Variants in PPP4R2 observed in about 807,000 individuals in gnomAD.
PPP4R2 encodes protein phosphatase 4 regulatory subunit 2, also known as serine/threonine-protein phosphatase 4 regulatory subunit 2.
PPP4R2 carries 13 observed loss-of-function variants against 47.2 expected under a neutral mutation model. That is an observed-to-expected ratio of 0.28 (90% CI 0.18 to 0.44). PPP4R2 has a LOEUF of 0.44. PPP4R2 is among the 20% of genes least tolerant of loss of function. The probability of loss-of-function intolerance (pLI) is 1.00; values close to 1 mark genes in which losing one functional copy is unlikely to be tolerated. For missense variants in PPP4R2, 421 were observed against 491.2 expected (o/e 0.86, Z 1.35); for synonymous variants, 151 against 163.3 (o/e 0.92, Z 0.57).
At chr3:73,054,319 AATGTGT>A (rs1305491997) in intron 3 of PPP4R2, among the ~76,000 whole-genome samples, 1 of 152,206 alleles carries the variant, frequency 6.6e-6, no homozygotes, top group Non-Finnish European at 1.5e-5. Context: ...AATATTTATG[AATGTGT>A]ATGTTTATGT....
chr3:72,998,046 T>C (rs748878671), intron 1 of PPP4R2, 31 bp from the exon 2 acceptor site: 1 of 1,511,624 alleles, frequency 6.6e-7, no homozygotes, highest in Admixed American at 1.7e-5. Flanking sequence ...TTGAGAAAAC[T>C]GATAACGTTT....
intron 3 of PPP4R2, among the ~76,000 whole-genome samples, chr3:73,051,969 C>T (rs892730351): frequency 3.9e-5 from 6 of 152,102 alleles, no homozygotes; most frequent in Admixed American, 1.3e-4. Context: ...TGTCCATGCA[C>T]TTGTTTACTT....
In PPP4R2 at chr3:73,063,776, G is replaced by C. The variant is rs756345998; in HGVS notation, c.494+29G>C. ...AGATTCTAGATTTTTAATACCTACAGAGTTTGCATTGTCCTGATTTTGAGT... is the reference window on the plus strand; with the variant it reads ...AGATTCTAGATTTTTAATACCTACACAGTTTGCATTGTCCTGATTTTGAGT... On this transcript the variant is annotated intron_variant, in intron 6 of 8. Transcript: ENST00000356692. 5.6e-6 allele frequency: 8 copies of C among 1,427,034 alleles called. No homozygotes were observed. The African/African-American group carries it at 9.9e-5, about 18-fold the overall frequency. The allele number at this position is 1,427,034 out of a possible 1,614,324, so 88.4% of individuals were successfully genotyped here.
chr3:73,001,674 C>T (rs1701463402), intron 2 of PPP4R2, among the ~76,000 whole-genome samples: 1 of 151,934 alleles, frequency 6.6e-6, no homozygotes, highest in Admixed American at 6.6e-5. Context: ...GGAGTCTCGC[C>T]CTATGCCACA....
In PPP4R2 at chr3:73,065,917, C is replaced by T. The variant is rs1445050889; in HGVS notation, c.*195C>T. ...ATCAGCTCCTCTGGGTCCTGCTTAC[C>T]TTACCGCTGACTTTTCTTTCTTTCT... On this transcript the variant is annotated 3_prime_UTR_variant, in exon 9 of 9. Transcript: ENST00000356692. The T allele has an allele frequency of 5.4e-6, 2 of 371,792 alleles. No homozygotes were observed. Among genetic ancestry groups the T allele is most frequent in the Non-Finnish European group, 9.6e-6 (2 of 209,332 alleles). The allele number at this position is 371,792 out of a possible 1,614,324, so 23.0% of individuals were successfully genotyped here. A position where few individuals can be genotyped will look rare whatever the true frequency, so the allele number is the denominator to read the frequency against.
intron 4 of PPP4R2, among the ~76,000 whole-genome samples, chr3:73,059,450 A>G (rs1317909135): frequency 5.3e-5 from 8 of 152,218 alleles, no homozygotes; most frequent in Admixed American, 5.2e-4. Context: ...AGAGTGTTTT[A>G]TAAACTTACA....
chr3:73,062,876 A>G (rs911196383), intron 5 of PPP4R2: 15 of 1,613,152 alleles, frequency 9.3e-6, no homozygotes, highest in South Asian at 2.2e-5. Context: ...AATCCCCTCT[A>G]CACAAGCTAC....
chr3:73,040,138 C>A (rs768397149), intron 2 of PPP4R2, among the ~76,000 whole-genome samples: 1 of 152,172 alleles, frequency 6.6e-6, no homozygotes. Flanking sequence ...ACACATAAAA[C>A]AAGTGTCTTG....
intron 2 of PPP4R2, among the ~76,000 whole-genome samples, chr3:73,012,265 G>T (rs1283241438): frequency 6.6e-6 from 1 of 152,128 alleles, no homozygotes; most frequent in African/African-American, 2.4e-5. Context: ...GACGAGAAAT[G>T]TCTCCACATT....
intron 2 of PPP4R2, among the ~76,000 whole-genome samples, chr3:73,024,010 A>C (rs1231641213): frequency 2.0e-5 from 3 of 152,230 alleles, no homozygotes; most frequent in Non-Finnish European, 4.4e-5. Context: ...TTCACTAAGC[A>C]TTTACCTTTT....
intron 2 of PPP4R2, among the ~76,000 whole-genome samples, chr3:73,005,387 C>G (rs953349364): frequency 6.8e-6 from 1 of 146,854 alleles, no homozygotes; most frequent in East Asian, 2.0e-4. Context: ...TGTAGTCTTT[C>G]AATATGAATT....
intron 2 of PPP4R2, among the ~76,000 whole-genome samples, chr3:73,019,481 C>T (rs1034458000): frequency 6.6e-6 from 1 of 152,278 alleles, no homozygotes. Flanking sequence ...TCAAGTGATT[C>T]TCCTGCCTCA....
intron 2 of PPP4R2, among the ~76,000 whole-genome samples, chr3:73,012,989 C>T (rs1178604385): frequency 6.7e-6 from 1 of 149,546 alleles, no homozygotes; most frequent in Non-Finnish European, 1.5e-5. Context: ...CATTGCAAGA[C>T]AAGTCGTGTT....
intron 5 of PPP4R2, chr3:73,062,255 C>A: frequency 6.2e-7 from 1 of 1,600,132 alleles, no homozygotes; most frequent in Non-Finnish European, 8.5e-7. Context: ...CACAGCCCAG[C>A]AGCCCAGGAG....
intron 2 of PPP4R2, among the ~76,000 whole-genome samples, chr3:73,021,816 A>AT (rs1437868043): frequency 6.6e-6 from 1 of 151,418 alleles, no homozygotes; most frequent in Non-Finnish European, 1.5e-5. Flanking sequence ...AATTTTAAAA[A>AT]TTACTTTAAC....
intron 2 of PPP4R2, among the ~76,000 whole-genome samples, chr3:73,018,153 A>T (rs980805034): frequency 6.6e-6 from 1 of 152,034 alleles, no homozygotes; most frequent in African/African-American, 2.4e-5. Context: ...TCTTTCTTAT[A>T]CTTTTAGCCA....
In PPP4R2 at chr3:73,026,981, TGCG is replaced by T. The variant is rs755056575; in HGVS notation, c.117-20203_117-20201del. 1.1e-4 allele frequency among the ~76,000 whole-genome samples: 16 copies of T among 152,322 alleles called. No individual in the cohort carries two copies. The South Asian group carries it at 1.2e-3, about 12-fold the overall frequency. On this transcript the variant is annotated intron_variant, in intron 2 of 8. Transcript: ENST00000356692. ...CGAAGTTGTCTTATTGATAATAAAATGCGGAGAGTAGTACCACCCAACTCATAC... is the reference window on the plus strand; with the variant it reads ...CGAAGTTGTCTTATTGATAATAAAATGAGAGTAGTACCACCCAACTCATAC...
chr3:73,021,846 ATATGTGTGTGTGTG>A (rs1156850807), intron 2 of PPP4R2, among the ~76,000 whole-genome samples: 4 of 120,832 alleles, frequency 3.3e-5, no homozygotes, highest in African/African-American at 7.8e-5. Context: ...TTACATTTCT[ATATGTGTGTGTGTG>A]TGTGTGTGTG....
At chr3:73,031,576 T>C (rs937533091) in intron 2 of PPP4R2, among the ~76,000 whole-genome samples, 1 of 152,074 alleles carries the variant, frequency 6.6e-6, no homozygotes, top group African/African-American at 2.4e-5. Context: ...AAATATTTCA[T>C]TTATTTTTAA....
Sources: gnomAD v4.1 joint callset for allele counts (sites outside exome capture counted in the v4.1 genomes callset) on GRCh38, gnomAD v4.1.1 for gene constraint, MANE v1.5 for transcripts, NCBI Gene and HGNC (gene_info 2026-07-23, HGNC 2026-07-21) for gene names.